PLPPR5: variants seen among roughly 807,000 people sequenced by gnomAD.
PLPPR5 encodes phospholipid phosphatase-related protein type 5.
A neutral mutation model predicts 33.9 loss-of-function variants in PLPPR5; 16 were observed. That is an observed-to-expected ratio of 0.47 (90% CI 0.32 to 0.72). The LOEUF (loss-of-function observed/expected upper bound fraction) is 0.72, where lower values mean the gene tolerates loss of function less well. Ranked by LOEUF, PLPPR5 falls within the 30% of genes least tolerant of loss-of-function variation. The probability of loss-of-function intolerance (pLI) is 0.03; values close to 1 mark genes in which losing one functional copy is unlikely to be tolerated. For synonymous variants in PLPPR5, 163 were observed against 150.3 expected (o/e 1.08, Z -0.62); for missense variants, 301 against 406.7 (o/e 0.74, Z 2.23).
chr1:98,992,383 A>G (rs1016098215), intron 1 of PLPPR5, among the ~76,000 whole-genome samples: 7 of 152,174 alleles, frequency 4.6e-5, no homozygotes, highest in Non-Finnish European at 1.0e-4. Flanking sequence ...CTTTTCTCTT[A>G]AATTTATACC....
At chr1:98,981,299 C>T (rs1235222054) in intron 1 of PLPPR5, among the ~76,000 whole-genome samples, 1 of 152,052 alleles carries the variant, frequency 6.6e-6, no homozygotes, top group Non-Finnish European at 1.5e-5. Flanking sequence ...CATTGTAATA[C>T]ATTTTTGACT....
At chr1:98,976,722 A>G (rs901982888) in intron 1 of PLPPR5, among the ~76,000 whole-genome samples, 5 of 152,082 alleles carry the variant, frequency 3.3e-5, no homozygotes, top group African/African-American at 1.2e-4. Context: ...AATAAAAAAT[A>G]ACTTATTAAT....
In PLPPR5 at chr1:98,996,015, T is replaced by C. The variant is rs78879740; in HGVS notation, c.237+8420A>G. Among the ~76,000 whole-genome samples, 737 of 152,104 alleles carry C rather than the reference T, an allele frequency of 4.8e-3. 7 individuals are homozygous for C. The highest frequency in any genetic ancestry group is 7.0e-3 in the Admixed American group (107 of 15,242). On this transcript the variant is annotated intron_variant, in intron 1 of 5. Coordinates refer to ENST00000263177, the MANE Select transcript of PLPPR5 (RefSeq NM_001037317.2). ...AATGTAAATAAAATACAATATAAAG[T>C]ATAATATAAAGTTATTTGAGTTTCA...
rs368763501 is a variant in PLPPR5 at position 99,004,694 on chromosome 1, A to G, written c.-23T>C. On this transcript the variant is annotated 5_prime_UTR_variant, in exon 1 of 6. Transcript: ENST00000263177. ...CATGCACGCCTCCCGGGCCGGGCCG[A>G]GCCGAGCCGAGCGGGCGGTCGACGC... 92 of 1,475,644 alleles carry G rather than the reference A, an allele frequency of 6.2e-5. No individual in the cohort carries two copies. The African/African-American group carries it at 1.2e-3, about 19-fold the overall frequency. The allele number at this position is 1,475,644 out of a possible 1,614,324, so 91.4% of individuals were successfully genotyped here.
At chr1:98,909,294 CT>C (rs1375140120) in intron 5 of PLPPR5, among the ~76,000 whole-genome samples, 2 of 145,912 alleles carry the variant, frequency 1.4e-5, no homozygotes, top group African/African-American at 5.1e-5. Flanking sequence ...CCCGCCTCCC[CT>C]CCCTTCCCTT....
In PLPPR5 at chr1:98,953,193, C is replaced by G; in HGVS notation, c.498G>C (p.Gln166His). The change falls in exon 3 of 6, where the codon CAG becomes CAC. Residue 166 changes from glutamine to histidine, a missense_variant. Transcript: ENST00000263177. ...CTTCCCCACTGATGAATTGTGTATA[C>G]TGCTGACATCCAAGTGCTGTATAAT... is the stretch of plus-strand genomic sequence containing the variant. ...KPNYTALGCQ[Q>H]YTQFISGEEA... 1 of 1,614,096 alleles carries G rather than the reference C, an allele frequency of 6.2e-7. No individual in the cohort carries two copies. The highest frequency in any genetic ancestry group is 8.5e-7 in the Non-Finnish European group (1 of 1,180,008).
chr1:98,933,782 G>A (rs964635857), intron 3 of PLPPR5, among the ~76,000 whole-genome samples: 8 of 152,178 alleles, frequency 5.3e-5, no homozygotes, highest in Non-Finnish European at 1.2e-4. Context: ...GCCAGGGATG[G>A]GGTTGTCTCT....
rs1652580599 is a variant in PLPPR5 at position 98,995,013 on chromosome 1, G to A, written c.237+9422C>T. Among the ~76,000 whole-genome samples the A allele has an allele frequency of 2.6e-5, 4 of 152,050 alleles. No individual in the cohort carries two copies. The South Asian group carries it at 8.3e-4, about 31-fold the overall frequency. On this transcript the variant is annotated intron_variant, in intron 1 of 5. Coordinates refer to ENST00000263177, the MANE Select transcript of PLPPR5 (RefSeq NM_001037317.2). ...AAAAGTCAAAAAATAACAGATGCTG[G>A]CAAGGTTGCAGAAAAAAGGGAATGC...
intron 5 of PLPPR5, among the ~76,000 whole-genome samples, chr1:98,902,856 T>C (rs1022107585): frequency 6.6e-6 from 1 of 152,178 alleles, no homozygotes; most frequent in African/African-American, 2.4e-5. Context: ...ATAAATCAGA[T>C]GAGAAAGCTT....
intron 5 of PLPPR5, among the ~76,000 whole-genome samples, chr1:98,905,317 T>C (rs1454586218): frequency 6.6e-6 from 1 of 152,210 alleles, no homozygotes; most frequent in African/African-American, 2.4e-5. Context: ...ATTTGCTCTC[T>C]AATGATTTGT....
chr1:98,984,462 G>T (rs1473906234), intron 1 of PLPPR5, among the ~76,000 whole-genome samples: 2 of 152,030 alleles, frequency 1.3e-5, no homozygotes, highest in African/African-American at 4.8e-5. Context: ...TCTTACCAAA[G>T]GTAATTTAGA....
At chr1:98,954,144 C>T (rs1371671033) in intron 2 of PLPPR5, among the ~76,000 whole-genome samples, 1 of 152,070 alleles carries the variant, frequency 6.6e-6, no homozygotes, top group Non-Finnish European at 1.5e-5. Flanking sequence ...TACTTGAATA[C>T]CAAAAACATT....
intron 1 of PLPPR5, among the ~76,000 whole-genome samples, chr1:98,989,652 C>A (rs2100759353): frequency 6.6e-6 from 1 of 152,216 alleles, no homozygotes; most frequent in East Asian, 1.9e-4. Context: ...TGTCACCAAG[C>A]CAAAACTAAG....
intron 5 of PLPPR5, among the ~76,000 whole-genome samples, chr1:98,913,601 A>T (rs1649234166): frequency 6.6e-6 from 1 of 152,196 alleles, no homozygotes; most frequent in South Asian, 2.1e-4. Context: ...CTTTATTTCT[A>T]GTTAATTATG....
At chr1:98,897,280 C>G (rs1648515919) in intron 5 of PLPPR5, among the ~76,000 whole-genome samples, 1 of 152,188 alleles carries the variant, frequency 6.6e-6, no homozygotes, top group South Asian at 2.1e-4. Flanking sequence ...AAGGTGTTCA[C>G]AGTGGCTTAT....
At position 98,922,073 on chromosome 1, in the gene PLPPR5, A is replaced by T. The variant is rs1186851351; in HGVS notation, c.622-15T>A. Reference sequence around the variant, plus strand: ...GTGATGTACATCTGAAACATTCAATAAAAAAAATGACTTTTCATGAAGGTA... The same window carrying T: ...GTGATGTACATCTGAAACATTCAATTAAAAAAATGACTTTTCATGAAGGTA... On this transcript the variant is annotated splice_polypyrimidine_tract_variant and intron_variant, in intron 3 of 5. Coordinates refer to ENST00000263177, the MANE Select transcript of PLPPR5 (RefSeq NM_001037317.2). 4.8e-6 allele frequency: 7 copies of T among 1,464,142 alleles called. No homozygotes were observed. In the East Asian group the frequency reaches 1.3e-4, roughly 26 times the overall value. The allele number at this position is 1,464,142 out of a possible 1,614,324, so 90.7% of individuals were successfully genotyped here.
chr1:98,894,961 A>G (rs1046868356), intron 5 of PLPPR5, among the ~76,000 whole-genome samples: 2 of 152,092 alleles, frequency 1.3e-5, no homozygotes, highest in African/African-American at 4.8e-5. Flanking sequence ...TAGGGTGACC[A>G]TATAATTTAT....
At chr1:98,966,040 T>TA (rs1193414866) in intron 1 of PLPPR5, among the ~76,000 whole-genome samples, 1 of 152,188 alleles carries the variant, frequency 6.6e-6, no homozygotes, top group Admixed American at 6.5e-5. Context: ...TTTTATTTGT[T>TA]ACAGAAACTG....
chr1:98,970,165 A>G (rs1651609614), intron 1 of PLPPR5, among the ~76,000 whole-genome samples: 1 of 152,054 alleles, frequency 6.6e-6, no homozygotes. Context: ...GGAAGAGTAA[A>G]TGTTGATTAC....
Sources: allele counts gnomAD v4.1 joint callset (sites outside exome capture counted in the v4.1 genomes callset), GRCh38; gene constraint gnomAD v4.1.1; transcripts MANE v1.5; gene names NCBI Gene and HGNC (gene_info 2026-07-23, HGNC 2026-07-21).